Variants in CADPS observed in about 807,000 individuals in gnomAD.
CADPS encodes the protein calcium-dependent secretion activator 1.
CADPS carries 57 observed loss-of-function variants against 167.3 expected under a neutral mutation model. The ratio of observed to expected loss-of-function variants is 0.34; its 90% confidence interval spans 0.28 to 0.42. The LOEUF (loss-of-function observed/expected upper bound fraction) is 0.42. Ranked by LOEUF, CADPS falls within the 20% of genes least tolerant of loss-of-function variation. The pLI is 1.00. For missense variants in CADPS, 1,414 were observed against 1,738.1 expected (o/e 0.81, Z 3.32); for synonymous variants, 676 against 635.3 (o/e 1.06, Z -0.96).
At chr3:62,416,155 A>G (rs1250051562) in intron 28 of CADPS, among the ~76,000 whole-genome samples, 1 of 152,168 alleles carries the variant, frequency 6.6e-6, no homozygotes, top group African/African-American at 2.4e-5. Flanking sequence ...TAAGCACACA[A>G]AATTACTCAG....
intron 3 of CADPS, among the ~76,000 whole-genome samples, chr3:62,712,145 T>C (rs989770430): frequency 1.3e-5 from 2 of 152,234 alleles, no homozygotes; most frequent in African/African-American, 4.8e-5. Flanking sequence ...TTTTTTGCTA[T>C]TAAAAATAAT....
intron 1 of CADPS, among the ~76,000 whole-genome samples, chr3:62,802,168 A>C (rs1235864217): frequency 6.6e-6 from 1 of 152,182 alleles, no homozygotes; most frequent in Non-Finnish European, 1.5e-5. Flanking sequence ...TTTTGACTAT[A>C]ACCTAGTATT....
At position 62,760,681 on chromosome 3, in the gene CADPS, T is replaced by C. The variant is rs148668244; in HGVS notation, c.555+5190A>G. 8.4e-4 allele frequency among the ~76,000 whole-genome samples: 128 copies of C among 152,314 alleles called. 1 individual carries two copies. Among genetic ancestry groups the C allele is most frequent in the African/African-American group, 3.0e-3 (124 of 41,558 alleles). Reference sequence around the variant, plus strand: ...CTTCCCCTATGGATGTACCTGTTTATCATGGTATCTCAGGTACCATGGAAT... The same window carrying C: ...CTTCCCCTATGGATGTACCTGTTTACCATGGTATCTCAGGTACCATGGAAT... On this transcript the variant is annotated intron_variant, in intron 2 of 29. Transcript: ENST00000383710.
At chr3:62,746,703 C>T (rs1413079206) in intron 3 of CADPS, among the ~76,000 whole-genome samples, 3 of 152,198 alleles carry the variant, frequency 2.0e-5, no homozygotes, top group Admixed American at 6.5e-5. Context: ...CTCTCTCTCC[C>T]TGTTGCTGGA....
chr3:62,835,788 T>G (rs1203164489), intron 1 of CADPS, among the ~76,000 whole-genome samples: 1 of 152,210 alleles, frequency 6.6e-6, no homozygotes, highest in South Asian at 2.1e-4. Context: ...TTCCCTATTC[T>G]GAGCCCAGAC....
chr3:62,433,344 C>T lies in CADPS; in HGVS notation c.3777+4760G>A, dbSNP rs1039744727. Reference sequence around the variant, plus strand: ...GAAAATGGAACAGCAAATTAAAATCCGTGCGAGGCAAAGAATACTGAGTAG... The same window carrying T: ...GAAAATGGAACAGCAAATTAAAATCTGTGCGAGGCAAAGAATACTGAGTAG... On this transcript the variant is annotated intron_variant, in intron 28 of 29. Transcript: ENST00000383710. The surrounding 1 kb of genome is among the most constrained non-coding windows in gnomAD (Gnocchi z 4.7). Among the ~76,000 whole-genome samples the T allele has an allele frequency of 6.6e-5, 10 of 152,054 alleles. No individual in the cohort carries two copies. The highest frequency in any genetic ancestry group is 6.5e-5 in the Admixed American group (1 of 15,270).
At chr3:62,585,096 C>G (rs1275625201) in intron 8 of CADPS, 89 bp downstream of exon 8, 27 of 1,226,604 alleles carry the variant, frequency 2.2e-5, no homozygotes, top group Non-Finnish European at 3.2e-5. Flanking sequence ...CTACATAGTT[C>G]TCTGAAGATC....
chr3:62,553,746 A>G (rs2077673153), intron 10 of CADPS, among the ~76,000 whole-genome samples: 2 of 152,226 alleles, frequency 1.3e-5, no homozygotes, highest in South Asian at 2.1e-4. Flanking sequence ...TAGAAGAGCG[A>G]CAGATGAAAG....
At chr3:62,727,248 A>G (rs73107688) in intron 3 of CADPS, among the ~76,000 whole-genome samples, 1 of 152,034 alleles carries the variant, frequency 6.6e-6, no homozygotes, top group Non-Finnish European at 1.5e-5. Context: ...ACAAACCAGA[A>G]TACTGCACAG....
In CADPS at chr3:62,852,316, G is replaced by A. The variant is rs548748328; in HGVS notation, c.441+22273C>T. ...CATCCAGCTTTGTTCCGTTGCTGGT[G>A]AGGAACTGCGTTCCTCAGATGGAAA... On this transcript the variant is annotated intron_variant, in intron 1 of 29. Coordinates refer to ENST00000383710, the MANE Select transcript of CADPS (RefSeq NM_003716.4). Among the ~76,000 whole-genome samples the A allele has an allele frequency of 3.3e-5, 5 of 152,210 alleles. No individual in the cohort carries two copies. In the East Asian group the frequency reaches 9.7e-4, roughly 29 times the overall value.
At chr3:62,591,189 G>C (rs991428209) in intron 7 of CADPS, among the ~76,000 whole-genome samples, 1 of 152,134 alleles carries the variant, frequency 6.6e-6, no homozygotes, top group African/African-American at 2.4e-5. Flanking sequence ...CTATGTGCTG[G>C]GCTCTGGGTA....
intron 5 of CADPS, among the ~76,000 whole-genome samples, chr3:62,650,000 G>T (rs2069676862): frequency 6.6e-6 from 1 of 152,024 alleles, no homozygotes; most frequent in South Asian, 2.1e-4. Flanking sequence ...CATTTACGTT[G>T]TTTCCATTTT....
At position 62,867,859 on chromosome 3, in the gene CADPS, C is replaced by T. The variant is rs141994236; in HGVS notation, c.441+6730G>A. 1.4e-3 allele frequency among the ~76,000 whole-genome samples: 216 copies of T among 152,146 alleles called. 3 individuals carry two copies. The highest frequency in any genetic ancestry group is 5.1e-3 in the African/African-American group (210 of 41,544). On this transcript the variant is annotated intron_variant, in intron 1 of 29. Transcript: ENST00000383710. ...TCACAAAAACCCAATGATCAAGGTA[C>T]CACTACAATTCCCATTTCATTCATG...
chr3:62,735,476 G>A (rs1191440433), intron 3 of CADPS, among the ~76,000 whole-genome samples: 1 of 152,054 alleles, frequency 6.6e-6, no homozygotes, highest in Non-Finnish European at 1.5e-5. Context: ...TACTATATTA[G>A]GTATCATTTT....
In CADPS at chr3:62,460,267, G is replaced by A. The variant is rs931818127; in HGVS notation, c.3636+5100C>T. On this transcript the variant is annotated intron_variant, in intron 26 of 29. Transcript: ENST00000383710. ...GGCACATAGTATGTGTTCAATAAAC[G>A]CCAGCTACTACTACCACAGTTGGTG... is the stretch of plus-strand genomic sequence containing the variant. Among the ~76,000 whole-genome samples the A allele has an allele frequency of 5.3e-5, 8 of 152,232 alleles. No homozygotes were observed. The East Asian group carries it at 5.8e-4, about 11-fold the overall frequency.
rs571860453 is a variant in CADPS at position 62,683,139 on chromosome 3, G to A, written c.889-20745C>T. Among the ~76,000 whole-genome samples, 20 of 152,148 alleles carry A rather than the reference G, an allele frequency of 1.3e-4. No individual in the cohort carries two copies. In the South Asian group the frequency reaches 2.5e-3, roughly 19 times the overall value. ...AGGGCCAAGTTGTGTGTGGGGTCTTGTAGATCATGGGAAAGCTAAGCGTCT... is the reference window on the plus strand; with the variant it reads ...AGGGCCAAGTTGTGTGTGGGGTCTTATAGATCATGGGAAAGCTAAGCGTCT... On this transcript the variant is annotated intron_variant, in intron 3 of 29. Coordinates refer to ENST00000383710, the MANE Select transcript of CADPS (RefSeq NM_003716.4).
intron 16 of CADPS, 126 bp from the exon 17 acceptor site, chr3:62,512,894 G>T (rs557415309): frequency 1.0e-4 from 74 of 712,084 alleles, no homozygotes; most frequent in East Asian, 4.1e-4. Flanking sequence ...GGAAAGAAAA[G>T]GTTGCCCTTG....
intron 21 of CADPS, among the ~76,000 whole-genome samples, 170 bp from the exon 22 acceptor site, chr3:62,482,039 C>T (rs745611722): frequency 2.6e-5 from 4 of 152,216 alleles, no homozygotes; most frequent in Non-Finnish European, 5.9e-5. Context: ...TGTGGTGTGG[C>T]TCTGTATCCA....
intron 3 of CADPS, among the ~76,000 whole-genome samples, chr3:62,745,735 T>C (rs2081313963): frequency 6.6e-6 from 1 of 152,214 alleles, no homozygotes; most frequent in Non-Finnish European, 1.5e-5. Context: ...CCTTGTGTAA[T>C]GTGGGCATTT....
Sources: allele counts gnomAD v4.1 joint callset (sites outside exome capture counted in the v4.1 genomes callset), GRCh38; gene constraint gnomAD v4.1.1; non-coding constraint Gnocchi (gnomAD v3.1); transcripts MANE v1.5; gene names NCBI Gene and HGNC (gene_info 2026-07-23, HGNC 2026-07-21).